SYNCRIP: variants seen among roughly 807,000 people sequenced by gnomAD.
The protein encoded by SYNCRIP is synaptotagmin binding cytoplasmic RNA interacting protein.
In SYNCRIP, 9 loss-of-function variants were observed where a neutral mutation model predicts 68.9. The observed-to-expected ratio is 0.13, with a 90% confidence interval of 0.08 to 0.23. The LOEUF (loss-of-function observed/expected upper bound fraction) is 0.23. SYNCRIP is among the 10% of genes least tolerant of loss of function. The pLI, the probability that SYNCRIP is intolerant of heterozygous loss-of-function variation, is 1.00. For synonymous variants in SYNCRIP, 258 were observed against 254.0 expected (o/e 1.02, Z -0.15); for missense variants, 414 against 770.6 (o/e 0.54, Z 5.48).
At chr6:85,635,774 CAAAAAAAAAAAAAAA>C (rs58599854) in intron 6 of SYNCRIP, among the ~76,000 whole-genome samples, 2 of 78,908 alleles carry the variant, frequency 2.5e-5, no homozygotes, top group Admixed American at 1.7e-4. Flanking sequence ...TTCTATCTCC[CAAAAAAAAAAAAAAA>C]AAAAAAAAGA....
At chr6:85,635,353 T>C (rs530340388) in intron 6 of SYNCRIP, among the ~76,000 whole-genome samples, 2 of 152,140 alleles carry the variant, frequency 1.3e-5, no homozygotes, top group East Asian at 3.9e-4. Context: ...GATTTGAAAA[T>C]ATCTAAATTC....
At chr6:85,631,356 G>C (rs1408605138) in intron 6 of SYNCRIP, among the ~76,000 whole-genome samples, 1 of 111,226 alleles carries the variant, frequency 9.0e-6, no homozygotes, top group Non-Finnish European at 1.9e-5. Flanking sequence ...AAAAAAAAAA[G>C]GCCATGGCTT....
chr6:85,631,996 T>C (rs1396954779), intron 6 of SYNCRIP, among the ~76,000 whole-genome samples: 3 of 152,222 alleles, frequency 2.0e-5, no homozygotes, highest in East Asian at 3.8e-4. Context: ...ATTATCATCA[T>C]TTACAAATGG....
chr6:85,629,277 T>G (rs1205056987), intron 6 of SYNCRIP, among the ~76,000 whole-genome samples: 1 of 152,152 alleles, frequency 6.6e-6, no homozygotes, highest in African/African-American at 2.4e-5. Context: ...TCCTTTACGC[T>G]TTGCACCACT....
chr6:85,638,145 G>A (rs763686847), intron 4 of SYNCRIP, among the ~76,000 whole-genome samples: 26 of 152,070 alleles, frequency 1.7e-4, no homozygotes, highest in Non-Finnish European at 2.8e-4. Context: ...AGGCCAAGGC[G>A]GGTGGATCAG....
At chr6:85,622,188 A>C (rs532478479) in intron 8 of SYNCRIP, among the ~76,000 whole-genome samples, 1 of 152,058 alleles carries the variant, frequency 6.6e-6, no homozygotes, top group Admixed American at 6.6e-5. Context: ...TCTGACCAAC[A>C]TGGTGAAACC....
intron 10 of SYNCRIP, 152 bp downstream of exon 10, chr6:85,618,666 G>T: frequency 1.7e-6 from 1 of 578,476 alleles, no homozygotes. Context: ...TAAACACTTA[G>T]ATCACTGGTG....
chr6:85,641,285 T>C lies in SYNCRIP; in HGVS notation c.148+7A>G, dbSNP rs776619766. 2.5e-6 allele frequency: 4 copies of C among 1,608,220 alleles called. No homozygotes were observed. In the African/African-American group the frequency reaches 4.0e-5, roughly 16 times the overall value. On this transcript the variant is annotated splice_region_variant and intron_variant, in intron 2 of 10. Transcript: ENST00000369622. Reference sequence around the variant, plus strand: ...CATAATGTAATTTTGCAAGTGTTAGTTCTTACCTGCAACGTAAATTTCATC... The same window carrying C: ...CATAATGTAATTTTGCAAGTGTTAGCTCTTACCTGCAACGTAAATTTCATC...
chr6:85,625,533 G>A (rs185181579), intron 6 of SYNCRIP, among the ~76,000 whole-genome samples: 7 of 152,054 alleles, frequency 4.6e-5, no homozygotes, highest in South Asian at 4.2e-4. Flanking sequence ...GATTACAGGC[G>A]CCTGCCACCA....
intron 4 of SYNCRIP, among the ~76,000 whole-genome samples, 168 bp from the exon 5 acceptor site, chr6:85,637,524 T>C (rs1808597153): frequency 6.6e-6 from 1 of 152,254 alleles, no homozygotes; most frequent in Non-Finnish European, 1.5e-5. Flanking sequence ...TGTGTACTTG[T>C]TATACTCCTA....
intron 6 of SYNCRIP, among the ~76,000 whole-genome samples, chr6:85,630,977 G>A (rs1807703793): frequency 6.6e-6 from 1 of 152,162 alleles, no homozygotes; most frequent in African/African-American, 2.4e-5. Context: ...TGAAAAGAAA[G>A]CATCAGTCAT....
chr6:85,620,950 G>A (rs1307246580), intron 8 of SYNCRIP, among the ~76,000 whole-genome samples: 3 of 152,130 alleles, frequency 2.0e-5, no homozygotes, highest in East Asian at 3.8e-4. Context: ...TAACAAGAGT[G>A]GCCAAAACTA....
Position 85,615,319 on chromosome 6 carries a change from G to A in SYNCRIP, c.1309C>T (p.Pro437Ser). ...MYDDYYYYGP[P>S]HMPPPTRGRG... ...CCTCTTGTTGGAGGGGGCATATGAG[G>A]TGGACCATAATAGTAGTAATCGTCA... The change falls in exon 11 of 11, where the codon CCT becomes TCT. Residue 437 changes from proline to serine, a missense_variant. This residue lies in a region of SYNCRIP where 72 missense variants were observed against 119.8 expected (regional missense o/e 0.60). Coordinates refer to ENST00000369622, the MANE Select transcript of SYNCRIP (RefSeq NM_006372.5). The A allele has an allele frequency of 6.5e-7, 1 of 1,549,120 alleles. No homozygotes were observed. Among genetic ancestry groups the A allele is most frequent in the Non-Finnish European group, 8.7e-7 (1 of 1,143,636 alleles).
At chr6:85,623,562 C>CAAAAAAAAAAAAA (rs67258131) in intron 7 of SYNCRIP, among the ~76,000 whole-genome samples, 5 of 63,246 alleles carry the variant, frequency 7.9e-5, no homozygotes, top group African/African-American at 2.7e-4. Flanking sequence ...AGACTGTCTC[C>CAAAAAAAAAAAAA]AAAAAAAAAA....
chr6:85,615,440 T>A (rs1805662720), intron 10 of SYNCRIP, 93 bp from the exon 11 acceptor site: 2 of 771,910 alleles, frequency 2.6e-6, no homozygotes, highest in Non-Finnish European at 3.9e-6. Context: ...AATCCAGAGT[T>A]TACTTCGCAT....
Position 85,614,697 on chromosome 6 carries a change from T to A in SYNCRIP, c.*59A>T. ...CAAATTATAGCGGCACCCGTTCAGA[T>A]TTAGGGTGAGTTTCTGATCAACCTA... On this transcript the variant is annotated 3_prime_UTR_variant, in exon 11 of 11. Coordinates refer to ENST00000369622, the MANE Select transcript of SYNCRIP (RefSeq NM_006372.5). The A allele has an allele frequency of 6.6e-7, 1 of 1,504,894 alleles. No individual in the cohort carries two copies. The highest frequency in any genetic ancestry group is 8.9e-7 in the Non-Finnish European group (1 of 1,128,232). The allele number at this position is 1,504,894 out of a possible 1,614,324, so 93.2% of individuals were successfully genotyped here. A position where few individuals can be genotyped will look rare whatever the true frequency, so the allele number is the denominator to read the frequency against.
At chr6:85,608,755 G>C (rs1028346287) in exon 12 of SYNCRIP, 1 of 151,944 alleles carries the variant, frequency 6.6e-6, no homozygotes, top group African/African-American at 2.4e-5. Flanking sequence ...GACCCAGAGC[G>C]TTAGTAATAA....
At chr6:85,624,528 T>C (rs1489518569) in intron 6 of SYNCRIP, among the ~76,000 whole-genome samples, 4 of 152,206 alleles carry the variant, frequency 2.6e-5, no homozygotes, top group Admixed American at 1.3e-4. Context: ...TTATCAAAAG[T>C]TGTAATAAGA....
intron 4 of SYNCRIP, among the ~76,000 whole-genome samples, chr6:85,639,127 G>T (rs868723472): frequency 6.6e-6 from 1 of 152,082 alleles, no homozygotes; most frequent in Non-Finnish European, 1.5e-5. Context: ...AGAATTGCTC[G>T]AACCCGCGAG....
Sources: gnomAD v4.1 joint callset for allele counts (sites outside exome capture counted in the v4.1 genomes callset) on GRCh38, gnomAD v4.1.1 for gene constraint, gnomAD v4.1.1 regional missense constraint, MANE v1.5 for transcripts, NCBI Gene and HGNC (gene_info 2026-07-23, HGNC 2026-07-21) for gene names.